UBAC2: variants seen among roughly 807,000 people sequenced by gnomAD.
UBAC2 encodes the protein UBA domain containing 2.
UBAC2 carries 26 observed loss-of-function variants against 44.0 expected under a neutral mutation model. The ratio of observed to expected loss-of-function variants is 0.59; its 90% confidence interval spans 0.43 to 0.82. The LOEUF (loss-of-function observed/expected upper bound fraction) is 0.82. UBAC2 is among the 40% of genes least tolerant of loss of function. UBAC2 has a pLI of 0.00. For missense variants in UBAC2, 329 were observed against 419.4 expected (o/e 0.78, Z 1.88); for synonymous variants, 155 against 154.3 (o/e 1.00, Z -0.04).
At chr13:99,210,563 C>T (rs186516732) in intron 1 of UBAC2, among the ~76,000 whole-genome samples, 10 of 149,420 alleles carry the variant, frequency 6.7e-5, no homozygotes, top group East Asian at 2.0e-4. Context: ...CTGCAACCTC[C>T]GCCTCCTGGG....
chr13:99,232,675 A>G (rs2043189277), intron 1 of UBAC2, among the ~76,000 whole-genome samples: 1 of 152,148 alleles, frequency 6.6e-6, no homozygotes, highest in Non-Finnish European at 1.5e-5. Flanking sequence ...TAATCCCAGC[A>G]CTTTGGGAGG....
intron 4 of UBAC2, among the ~76,000 whole-genome samples, chr13:99,276,522 G>A (rs1255070195): frequency 6.6e-6 from 1 of 152,236 alleles, no homozygotes; most frequent in Non-Finnish European, 1.5e-5. Context: ...GAGAGTGCAC[G>A]GAGCTCTCGT....
At chr13:99,374,530 G>T (rs1379463373) in intron 8 of UBAC2, among the ~76,000 whole-genome samples, 1 of 152,166 alleles carries the variant, frequency 6.6e-6, no homozygotes, top group Admixed American at 6.5e-5. Flanking sequence ...CCCACAAGGT[G>T]CTTTCACTCT....
At chr13:99,256,778 C>T (rs775955752) in intron 4 of UBAC2, among the ~76,000 whole-genome samples, 3 of 151,622 alleles carry the variant, frequency 2.0e-5, no homozygotes, top group Non-Finnish European at 4.4e-5. Context: ...TCATTGACTC[C>T]TCAGTGTGAA....
intron 1 of UBAC2, among the ~76,000 whole-genome samples, chr13:99,207,363 CTGAGCCTATTCTTAAAA>C (rs1411918302): frequency 1.3e-5 from 2 of 152,224 alleles, no homozygotes; most frequent in Non-Finnish European, 2.9e-5. Flanking sequence ...GATCCTTCTT[CTGAGCCTATTCTTAAAA>C]ATGCAAAAGT....
In UBAC2 at chr13:99,242,949, G is replaced by T. The variant is rs1184935960; in HGVS notation, c.160-883G>T. 1.0e-3 allele frequency among the ~76,000 whole-genome samples: 156 copies of T among 150,108 alleles called. 2 individuals carry two copies. Among genetic ancestry groups the T allele is most frequent in the Non-Finnish European group, 1.5e-5 (1 of 67,476 alleles). On this transcript the variant is annotated intron_variant, in intron 2 of 8. Coordinates refer to ENST00000403766, the MANE Select transcript of UBAC2 (RefSeq NM_001144072.2). ...AGAGACGCTCCTCACTTCCTAGATG[G>T]GATGGCGGCCGGGAAGAGGCGCTCC...
chr13:99,345,889 C>T (rs1477365599), intron 7 of UBAC2, among the ~76,000 whole-genome samples: 2 of 151,816 alleles, frequency 1.3e-5, no homozygotes, highest in Non-Finnish European at 2.9e-5. Context: ...ATTACAGGCG[C>T]TCACCACCAC....
chr13:99,201,054 C>T lies in UBAC2; in HGVS notation c.31+115C>T, dbSNP rs2042789017. Reference sequence around the variant, plus strand: ...TTTGCCGGAGGTGGTGGGGCCGACCCTCCAGACCCGCGTCCGAACCCTGCT... The same window carrying T: ...TTTGCCGGAGGTGGTGGGGCCGACCTTCCAGACCCGCGTCCGAACCCTGCT... On this transcript the variant is annotated intron_variant, in intron 1 of 8. Coordinates refer to ENST00000403766, the MANE Select transcript of UBAC2 (RefSeq NM_001144072.2). 3.8e-6 allele frequency: 5 copies of T among 1,328,144 alleles called. No individual in the cohort carries two copies. The South Asian group carries it at 9.9e-5, about 26-fold the overall frequency. The allele number at this position is 1,328,144 out of a possible 1,614,324, so 82.3% of individuals were successfully genotyped here. A position where few individuals can be genotyped will look rare whatever the true frequency, so the allele number is the denominator to read the frequency against.
intron 1 of UBAC2, among the ~76,000 whole-genome samples, chr13:99,235,715 C>T (rs970419067): frequency 3.3e-5 from 5 of 152,214 alleles, no homozygotes; most frequent in African/African-American, 1.2e-4. Context: ...TGGCTCATGC[C>T]TATCATCCTA....
At chr13:99,308,961 A>G (rs1381498351) in intron 4 of UBAC2, among the ~76,000 whole-genome samples, 1 of 152,232 alleles carries the variant, frequency 6.6e-6, no homozygotes, top group Non-Finnish European at 1.5e-5. Flanking sequence ...TGAAGAAGAC[A>G]CTGTTGATAA....
At chr13:99,238,591 G>T in intron 2 of UBAC2, 37 bp downstream of exon 2, 1 of 1,485,632 alleles carries the variant, frequency 6.7e-7, no homozygotes, top group South Asian at 1.5e-5. Flanking sequence ...GAGGAGAGCG[G>T]ACAGTTTTTT....
intron 4 of UBAC2, among the ~76,000 whole-genome samples, chr13:99,282,516 A>C (rs966746782): frequency 6.6e-6 from 1 of 152,198 alleles, no homozygotes; most frequent in African/African-American, 2.4e-5. Flanking sequence ...TGGGACTTCA[A>C]ACATTTGAGT....
chr13:99,376,484 C>T (rs1408353556), intron 8 of UBAC2, among the ~76,000 whole-genome samples: 3 of 152,212 alleles, frequency 2.0e-5, no homozygotes, highest in Admixed American at 1.3e-4. Context: ...CCCGTGAGGG[C>T]GGAGCTGGAG....
At chr13:99,279,401 C>T (rs1031712702) in intron 4 of UBAC2, among the ~76,000 whole-genome samples, 1 of 152,216 alleles carries the variant, frequency 6.6e-6, no homozygotes, top group Non-Finnish European at 1.5e-5. Context: ...TTTGCAGAAG[C>T]TGTCTTTGAC....
At chr13:99,290,048 A>C (rs2044068927) in intron 4 of UBAC2, among the ~76,000 whole-genome samples, 1 of 152,194 alleles carries the variant, frequency 6.6e-6, no homozygotes, top group African/African-American at 2.4e-5. Context: ...TAAGAGAGAA[A>C]ATACGATGAT....
At chr13:99,362,395 G>A (rs1369794898) in intron 7 of UBAC2, among the ~76,000 whole-genome samples, 3 of 152,102 alleles carry the variant, frequency 2.0e-5, no homozygotes, top group African/African-American at 4.8e-5. Flanking sequence ...AGGTGAAGTT[G>A]CCAGGTCATA....
At chr13:99,271,968 T>G (rs1187027569) in intron 4 of UBAC2, among the ~76,000 whole-genome samples, 1 of 152,202 alleles carries the variant, frequency 6.6e-6, no homozygotes, top group Admixed American at 6.5e-5. Context: ...ATTTTAATTT[T>G]TTGTTAGGAC....
intron 4 of UBAC2, among the ~76,000 whole-genome samples, chr13:99,290,859 G>C (rs1033228304): frequency 3.3e-5 from 5 of 152,174 alleles, no homozygotes; most frequent in African/African-American, 1.2e-4. Context: ...ATCAGATGTG[G>C]GTGACAGAGA....
intron 4 of UBAC2, among the ~76,000 whole-genome samples, chr13:99,246,575 C>CT (rs2043386233): frequency 6.6e-6 from 1 of 152,206 alleles, no homozygotes; most frequent in Admixed American, 6.5e-5. Context: ...TTTACACTGT[C>CT]TCCTTGTCTT....
Sources: gnomAD v4.1 joint callset for allele counts (sites outside exome capture counted in the v4.1 genomes callset) on GRCh38, gnomAD v4.1.1 for gene constraint, MANE v1.5 for transcripts, NCBI Gene and HGNC (gene_info 2026-07-23, HGNC 2026-07-21) for gene names.